SYNE3: variants seen among roughly 807,000 people sequenced by gnomAD.
SYNE3 encodes the protein spectrin repeat containing nuclear envelope family member 3, also known as nesprin-3.
A neutral mutation model predicts 111.2 loss-of-function variants in SYNE3; 100 were observed. That is an observed-to-expected ratio of 0.90 (90% CI 0.77 to 1.06). SYNE3 has a LOEUF of 1.06. Ranked by LOEUF, SYNE3 falls within the 50% of genes least tolerant of loss-of-function variation. SYNE3 has a pLI of 0.00. For missense variants in SYNE3, 1,160 were observed against 1,240.3 expected, an observed-to-expected ratio of 0.94 and a Z score of 0.97; for synonymous variants, 547 against 533.9, an observed-to-expected ratio of 1.02 and a Z score of -0.34.
At chr14:95,475,612 A>C in intron 2 of SYNE3, 66 bp downstream of exon 2, 1 of 1,319,618 alleles carries the variant, frequency 7.6e-7, no homozygotes, top group Non-Finnish European at 9.7e-7. Flanking sequence ...AGGAAACCTG[A>C]GGTCTGAGGG....
chr14:95,498,498 C>T (rs891190159), intron 1 of SYNE3, among the ~76,000 whole-genome samples: 4 of 152,210 alleles, frequency 2.6e-5, no homozygotes, highest in Non-Finnish European at 5.9e-5. Context: ...GGATTACAGG[C>T]GTGAGCCACC....
rs562314585 is a variant in SYNE3, at chr14:95,455,413, G to A, written c.1101C>T (p.Thr367=). The A allele has an allele frequency of 1.8e-5, 28 of 1,564,416 alleles. No individual in the cohort carries two copies. In the African/African-American group the frequency reaches 2.5e-4, roughly 14 times the overall value. Residue 367 remains threonine (T), a synonymous_variant, in exon 6 of 18, where the codon ACC becomes ACT. Transcript: ENST00000682763. ...TCCAGTGTGCCACCAGCTCGTCCTC[G>A]GTCCCCGCTTTCGCCGCAGGCTGCA... The part of the protein sequence containing the change: ...EGLQPAAKAG[T]EDELVAHWRR...
intron 2 of SYNE3, among the ~76,000 whole-genome samples, chr14:95,469,531 C>CAAAAAAAAAAAA (rs71132350): frequency 1.0e-5 from 1 of 99,432 alleles, no homozygotes; most frequent in Admixed American, 1.2e-4. Flanking sequence ...CATGTCTCTA[C>CAAAAAAAAAAAA]AAAAAAAAAA....
At chr14:95,515,985 C>T (rs2757081) in intron 1 of SYNE3, among the ~76,000 whole-genome samples, 35,004 of 152,102 alleles carry the variant, frequency 0.23, 4,272 homozygotes, top group Admixed American at 0.34. Context: ...CTCTCTCAGG[C>T]CCTGCAAGCC....
chr14:95,494,070 T>C (rs1456620496), intron 1 of SYNE3, among the ~76,000 whole-genome samples: 3 of 151,862 alleles, frequency 2.0e-5, no homozygotes, highest in Admixed American at 6.6e-5. Context: ...CAATCCCAGC[T>C]ACTCAGGAGG....
rs2139320974 is a variant in SYNE3 at position 95,412,468 on chromosome 14, G to A, written c.*5358C>T. 6.6e-6 allele frequency: 1 copy of A among 152,410 alleles called. No individual in the cohort carries two copies. The highest frequency in any genetic ancestry group is 2.1e-4 in the South Asian group (1 of 4,830). The allele number at this position is 152,410 out of a possible 1,614,324, so 9.4% of individuals were successfully genotyped here. ...AGCACAAAGCCTGGCACAGGCTGGA[G>A]AATGCTTGTTGCATTGGATTAAGAT... On this transcript the variant is annotated 3_prime_UTR_variant, in exon 18 of 18. Coordinates refer to ENST00000682763, the MANE Select transcript of SYNE3 (RefSeq NM_152592.6).
At position 95,430,008 on chromosome 14, in the gene SYNE3, G is replaced by GGAAGGAAGGAAGGAAGGAAGGAAAGA. The variant is rs1885666026; in HGVS notation, c.2727+2070_2727+2071insTCTTTCCTTCCTTCCTTCCTTCCTTC. 8 of 281,790 alleles carry GGAAGGAAGGAAGGAAGGAAGGAAAGA rather than the reference G, an allele frequency of 2.8e-5. No individual in the cohort carries two copies. In the Admixed American group the frequency reaches 6.4e-4, roughly 23 times the overall value. 17.5% of individuals were successfully genotyped at this position (281,790 alleles called of 1,614,324 possible). On this transcript the variant is annotated intron_variant, in intron 17 of 17. Transcript: ENST00000682763. ...GAAGGAAGGAAGGAAGGAAAGAAGG[G>GGAAGGAAGGAAGGAAGGAAGGAAAGA]AGGGAGGGAGGGAGGGTAGAGACAG...
intron 1 of SYNE3, among the ~76,000 whole-genome samples, chr14:95,477,035 A>G (rs966824621): frequency 3.3e-5 from 5 of 152,266 alleles, no homozygotes; most frequent in Non-Finnish European, 7.3e-5. Context: ...ACAAAATTAT[A>G]TATTAGGTAG....
At chr14:95,509,636 G>A (rs1330337276) in intron 1 of SYNE3, among the ~76,000 whole-genome samples, 4 of 152,214 alleles carry the variant, frequency 2.6e-5, no homozygotes, top group East Asian at 1.9e-4. Context: ...CTTAAGGAAC[G>A]AGGCTACCCC....
chr14:95,417,322 T>G lies in SYNE3; in HGVS notation c.*504A>C. 5.7e-6 allele frequency: 1 copy of G among 176,882 alleles called. No homozygotes were observed. The highest frequency in any genetic ancestry group is 1.2e-5 in the Non-Finnish European group (1 of 80,760). 11.0% of individuals were successfully genotyped at this position (176,882 alleles called of 1,614,324 possible). On this transcript the variant is annotated 3_prime_UTR_variant, in exon 18 of 18. Coordinates refer to ENST00000682763, the MANE Select transcript of SYNE3 (RefSeq NM_152592.6). ...GTTCTCATTACGCATAAAGCAAGAG[T>G]CGCTGGGCACCAAGTGAGGGTCTAT...
chr14:95,438,937 T>A, intron 14 of SYNE3, 96 bp downstream of exon 14: 1 of 1,530,286 alleles, frequency 6.5e-7, no homozygotes, highest in East Asian at 2.3e-5. Flanking sequence ...CAGAGCATGT[T>A]GCCCCAGACA....
chr14:95,505,554 A>T (rs1367511458), intron 1 of SYNE3, among the ~76,000 whole-genome samples: 1 of 152,040 alleles, frequency 6.6e-6, no homozygotes, highest in Non-Finnish European at 1.5e-5. Context: ...CATGATTTTG[A>T]CTATATCTGC....
chr14:95,450,286 T>C, intron 7 of SYNE3, 181 bp from the exon 8 acceptor site: 1 of 716,068 alleles, frequency 1.4e-6, no homozygotes. Context: ...GGAAGGGACT[T>C]TGATTAATAT....
In SYNE3 at chr14:95,439,496, C is replaced by T. The variant is rs548584803; in HGVS notation, c.2246+116G>A. ...GGCCAAAGTGTGAAGGTGCCCACGGCCCCTGGCTCCACACTGGGCAGCACC... is the reference window on the plus strand; with the variant it reads ...GGCCAAAGTGTGAAGGTGCCCACGGTCCCTGGCTCCACACTGGGCAGCACC... On this transcript the variant is annotated intron_variant, in intron 13 of 17. Transcript: ENST00000682763. 1.8e-4 allele frequency: 251 copies of T among 1,377,528 alleles called. 1 individual carries two copies. In the African/African-American group the frequency reaches 3.2e-3, roughly 17 times the overall value. The allele number at this position is 1,377,528 out of a possible 1,614,324, so 85.3% of individuals were successfully genotyped here.
intron 1 of SYNE3, among the ~76,000 whole-genome samples, chr14:95,487,075 GC>G (rs899118309): frequency 2.6e-4 from 40 of 152,156 alleles, no homozygotes; most frequent in African/African-American, 7.9e-4. Context: ...CCCCCACTCT[GC>G]CCCACCCGCC....
In SYNE3 at chr14:95,415,683, T is replaced by C. The variant is rs1903557977; in HGVS notation, c.*2143A>G. On this transcript the variant is annotated 3_prime_UTR_variant, in exon 18 of 18. Transcript: ENST00000682763. ...AGCATAATTATAAGCCTACAGCTTA[T>C]CATAAAGCTATTCAAAAAAAAAAAA... is the stretch of plus-strand genomic sequence containing the variant. 1 of 115,052 alleles carries C rather than the reference T, an allele frequency of 8.7e-6. No individual in the cohort carries two copies. The highest frequency in any genetic ancestry group is 3.1e-5 in the African/African-American group (1 of 32,474). The allele number at this position is 115,052 out of a possible 1,614,324, so 7.1% of individuals were successfully genotyped here.
chr14:95,452,901 C>T (rs1029284017), intron 6 of SYNE3, among the ~76,000 whole-genome samples: 4 of 152,200 alleles, frequency 2.6e-5, no homozygotes. Context: ...TTATTATTCT[C>T]GGCAGGCCTA....
chr14:95,486,005 T>C (rs1161486952), intron 1 of SYNE3, among the ~76,000 whole-genome samples: 2 of 151,912 alleles, frequency 1.3e-5, no homozygotes, highest in African/African-American at 4.8e-5. Context: ...CACCACCCCT[T>C]ATCAGCTCCA....
At chr14:95,491,710 A>T (rs1455584313) in intron 1 of SYNE3, among the ~76,000 whole-genome samples, 1 of 150,258 alleles carries the variant, frequency 6.7e-6, no homozygotes, top group Non-Finnish European at 1.5e-5. Flanking sequence ...GCAACAAAAT[A>T]AAAAAATAGA....
Sources: allele counts gnomAD v4.1 joint callset (sites outside exome capture counted in the v4.1 genomes callset), GRCh38; gene constraint gnomAD v4.1.1; transcripts MANE v1.5; gene names NCBI Gene and HGNC (gene_info 2026-07-23, HGNC 2026-07-21).